The following MIA2 variants were observed in gnomAD, a reference collection of about 807,000 sequenced individuals.
The protein encoded by MIA2 is melanoma inhibitory activity protein 2.
In MIA2, 127 loss-of-function variants were observed where a neutral mutation model predicts 167.8. That is an observed-to-expected ratio of 0.76 (90% CI 0.66 to 0.88). The LOEUF is 0.88. MIA2 is among the 40% of genes least tolerant of loss of function. The probability of loss-of-function intolerance (pLI) is 0.00; values close to 1 mark genes in which losing one functional copy is unlikely to be tolerated. For missense variants in MIA2, 1,690 were observed against 1,624.7 expected (o/e 1.04, Z -0.69); for synonymous variants, 552 against 541.9 (o/e 1.02, Z -0.26).
intron 18 of MIA2, among the ~76,000 whole-genome samples, chr14:39,310,280 C>T (rs546606131): frequency 3.9e-5 from 6 of 152,198 alleles, no homozygotes; most frequent in South Asian, 2.1e-4. Flanking sequence ...TCATTTTTTA[C>T]ATTTTTATGC....
chr14:39,353,825 TG>T (rs1239890009), downstream of MIA2, among the ~76,000 whole-genome samples: 4 of 152,230 alleles, frequency 2.6e-5, no homozygotes, highest in African/African-American at 9.6e-5. Flanking sequence ...TTTGGTTTTT[TG>T]TCCTTGCGAT....
At chr14:39,385,888 G>GA in intron 23 of MIA2, 1 of 924,036 alleles carries the variant, frequency 1.1e-6, no homozygotes, top group South Asian at 1.3e-5. Flanking sequence ...TCCCTTTCAA[G>GA]AAAAAAGGTT....
At chr14:39,329,760 A>G (rs1259691488) in intron 25 of MIA2, among the ~76,000 whole-genome samples, 1 of 150,658 alleles carries the variant, frequency 6.6e-6, no homozygotes, top group African/African-American at 2.5e-5. Flanking sequence ...TGTTTATGTG[A>G]TGAATTACGT....
chr14:39,254,007 C>A (rs1206340059), intron 6 of MIA2, among the ~76,000 whole-genome samples: 1 of 152,088 alleles, frequency 6.6e-6, no homozygotes, highest in East Asian at 1.9e-4. Context: ...AGTTGGAGGA[C>A]ACAGATAAAA....
intron 17 of MIA2, among the ~76,000 whole-genome samples, chr14:39,305,134 T>C (rs1304273532): frequency 6.6e-6 from 1 of 152,336 alleles, no homozygotes; most frequent in Non-Finnish European, 1.5e-5. Flanking sequence ...ACTGCATTTA[T>C]AATACTGTTT....
At chr14:39,379,170 A>G (rs2075104218) in intron 23 of MIA2, among the ~76,000 whole-genome samples, 1 of 151,942 alleles carries the variant, frequency 6.6e-6, no homozygotes, top group African/African-American at 2.4e-5. Flanking sequence ...AAAGTGGGTT[A>G]ATGCTCCAAG....
At position 39,252,872 on chromosome 14, in the gene MIA2, G is replaced by A. The variant is rs2152638004; in HGVS notation, c.1692G>A (p.Val564=). ...PSVDTEGPAL[V]EIDRSVENTL... is the part of the protein sequence containing the mutation. The stretch of plus-strand genomic sequence containing the variant: ...TAGACACCGAAGGGCCTGCTCTGGT[G>A]GAGATAGACAGATCTGTGGAAAATA... Residue 564 remains valine, a synonymous_variant, in exon 5 of 29, where the codon GTG becomes GTA. Coordinates refer to ENST00000640607, the MANE Select transcript of MIA2 (RefSeq NM_001329214.4). 3 of 1,614,002 alleles carry A rather than the reference G, an allele frequency of 1.9e-6. No individual in the cohort carries two copies. Among genetic ancestry groups the A allele is most frequent in the Non-Finnish European group, 2.5e-6 (3 of 1,179,944 alleles).
intron 6 of MIA2, among the ~76,000 whole-genome samples, chr14:39,261,166 T>C (rs61998543): frequency 6.6e-6 from 1 of 151,734 alleles, no homozygotes; most frequent in South Asian, 2.1e-4. Context: ...CAGGCTCTGG[T>C]GTGTGATGTT....
intron 25 of MIA2, among the ~76,000 whole-genome samples, chr14:39,330,198 A>G (rs2068503415): frequency 6.6e-6 from 1 of 152,082 alleles, no homozygotes; most frequent in Non-Finnish European, 1.5e-5. Flanking sequence ...TAGTCTTGTG[A>G]GGGTGTGTGT....
chr14:39,280,304 A>G (rs2058726006), intron 9 of MIA2, among the ~76,000 whole-genome samples: 1 of 151,140 alleles, frequency 6.6e-6, no homozygotes, highest in African/African-American at 2.4e-5. Flanking sequence ...GTTCTTGGCT[A>G]TTGTGAATAA....
At chr14:39,246,045 C>T (rs1353924628) in intron 3 of MIA2, among the ~76,000 whole-genome samples, 1 of 151,692 alleles carries the variant, frequency 6.6e-6, no homozygotes, top group East Asian at 1.9e-4. Flanking sequence ...GCATTGATTG[C>T]CTCTGCTTCT....
chr14:39,260,499 T>C (rs968285000), intron 6 of MIA2, among the ~76,000 whole-genome samples: 1 of 152,242 alleles, frequency 6.6e-6, no homozygotes, highest in Non-Finnish European at 1.5e-5. Context: ...GCTGCATAAA[T>C]GTCTTCTTTT....
chr14:39,340,371 G>A (rs2071519787), intron 25 of MIA2, among the ~76,000 whole-genome samples: 2 of 152,158 alleles, frequency 1.3e-5, no homozygotes, highest in African/African-American at 4.8e-5. Context: ...TTAAAGAGCT[G>A]AACAAATAAG....
intron 23 of MIA2, among the ~76,000 whole-genome samples, chr14:39,362,452 A>G (rs554373252): frequency 2.0e-5 from 3 of 152,054 alleles, no homozygotes; most frequent in East Asian, 1.9e-4. Flanking sequence ...CATTTCCTCT[A>G]GGTTTTTTCA....
intron 11 of MIA2, 87 bp downstream of exon 11, chr14:39,293,468 A>G: frequency 1.1e-6 from 1 of 930,088 alleles, no homozygotes; most frequent in East Asian, 2.7e-5. Context: ...AAAGTATTAC[A>G]TTATTGTAAA....
chr14:39,267,616 C>T lies in MIA2; in HGVS notation c.1888-9318C>T, dbSNP rs542282969. 7 of 1,460,194 alleles carry T rather than the reference C, an allele frequency of 4.8e-6. No individual in the cohort carries two copies. In the African/African-American group the frequency reaches 5.6e-5, roughly 12 times the overall value. 90.5% of individuals were successfully genotyped at this position (1,460,194 alleles called of 1,614,324 possible). On this transcript the variant is annotated intron_variant, in intron 6 of 28. Coordinates refer to ENST00000640607, the MANE Select transcript of MIA2 (RefSeq NM_001329214.4). ...AGACCGGCTTTGGGGTCTAAGCCGC[C>T]GTGGTCAGAGGTCCCGAAGCCAGTC... is the stretch of plus-strand genomic sequence containing the variant.
At position 39,276,812 on chromosome 14, in the gene MIA2, TTC is replaced by T. The variant is rs1462924351; in HGVS notation, c.1888-120_1888-119del. On this transcript the variant is annotated intron_variant, in intron 6 of 28. Transcript: ENST00000640607. Reference sequence around the variant, plus strand: ...TGACAAAAAAATGTACTCTGATACTTTCTGTTTGGTGTTAGTCTGGCAGCCCA... The same window carrying T: ...TGACAAAAAAATGTACTCTGATACTTTGTTTGGTGTTAGTCTGGCAGCCCA... The T allele has an allele frequency of 8.5e-5, 84 of 988,644 alleles. 1 individual carries two copies. The highest frequency in any genetic ancestry group is 3.1e-4 in the South Asian group (20 of 65,142). The allele number at this position is 988,644 out of a possible 1,614,324, so 61.2% of individuals were successfully genotyped here. A position where few individuals can be genotyped will look rare whatever the true frequency, so the allele number is the denominator to read the frequency against.
intron 14 of MIA2, among the ~76,000 whole-genome samples, chr14:39,300,757 G>A (rs1159428659): frequency 6.6e-6 from 1 of 151,598 alleles, no homozygotes; most frequent in Admixed American, 6.6e-5. Context: ...CATGGCACAG[G>A]TATACATATG....
downstream of MIA2, among the ~76,000 whole-genome samples, chr14:39,356,219 C>T (rs181827102): frequency 8.5e-5 from 13 of 152,260 alleles, no homozygotes; most frequent in East Asian, 2.5e-3. Flanking sequence ...TAATTATTGC[C>T]TCAGTTTCAG....
Sources: gnomAD v4.1 joint callset for allele counts (sites outside exome capture counted in the v4.1 genomes callset) on GRCh38, gnomAD v4.1.1 for gene constraint, MANE v1.5 for transcripts, NCBI Gene and HGNC (gene_info 2026-07-23, HGNC 2026-07-21) for gene names.